MACROD2: variants seen among roughly 807,000 people sequenced by gnomAD.
MACROD2 encodes the protein mono-ADP ribosylhydrolase 2.
MACROD2 carries 36 observed loss-of-function variants against 70.4 expected under a neutral mutation model. That is an observed-to-expected ratio of 0.51 (90% CI 0.39 to 0.68). MACROD2 has a LOEUF of 0.68. Among genes scored for constraint, MACROD2 ranks in the 30% least tolerant of loss-of-function variants. The pLI is 0.00. For synonymous variants in MACROD2, 172 were observed against 178.8 expected (o/e 0.96, Z 0.30); for missense variants, 496 against 538.4 (o/e 0.92, Z 0.78).
At chr20:14,261,093 C>G (rs577523060) in intron 3 of MACROD2, among the ~76,000 whole-genome samples, 1 of 152,244 alleles carries the variant, frequency 6.6e-6, no homozygotes, top group Non-Finnish European at 1.5e-5. Flanking sequence ...AATTTGGATA[C>G]ATAGTGAAAA....
chr20:15,980,929 T>C (rs1383833998), intron 13 of MACROD2, among the ~76,000 whole-genome samples: 2 of 152,130 alleles, frequency 1.3e-5, no homozygotes, highest in East Asian at 3.8e-4. Flanking sequence ...TAAATGGGGG[T>C]CCAGTATTCC....
intron 5 of MACROD2, among the ~76,000 whole-genome samples, chr20:14,899,292 G>C (rs764459071): frequency 6.6e-6 from 1 of 152,112 alleles, no homozygotes; most frequent in Non-Finnish European, 1.5e-5. Context: ...GCATTAGTTT[G>C]CCCGGGTTGC....
intron 2 of MACROD2, among the ~76,000 whole-genome samples, chr20:14,027,122 A>G (rs2053179543): frequency 6.6e-6 from 1 of 152,130 alleles, no homozygotes; most frequent in African/African-American, 2.4e-5. Context: ...GTCTTTTCAC[A>G]TAGTCCCATA....
intron 3 of MACROD2, among the ~76,000 whole-genome samples, chr20:14,148,852 T>A (rs1219061665): frequency 6.6e-6 from 1 of 152,210 alleles, no homozygotes; most frequent in Non-Finnish European, 1.5e-5. Flanking sequence ...TTGTGCTCAG[T>A]GTAGCTTCCT....
At chr20:15,816,394 T>G (rs564594370) in intron 8 of MACROD2, among the ~76,000 whole-genome samples, 11 of 152,254 alleles carry the variant, frequency 7.2e-5, no homozygotes, top group Non-Finnish European at 1.3e-4. Flanking sequence ...CAAACCAGCC[T>G]GAATTCTACT....
At chr20:15,104,648 T>C (rs188378552) in intron 5 of MACROD2, among the ~76,000 whole-genome samples, 158 of 152,290 alleles carry the variant, frequency 1.0e-3, no homozygotes, top group African/African-American at 3.2e-3. Context: ...TCGTTGTTGA[T>C]ACGCCCATAT....
chr20:15,530,145 G>A (rs1357889128), intron 8 of MACROD2, among the ~76,000 whole-genome samples: 2 of 152,052 alleles, frequency 1.3e-5, no homozygotes, highest in East Asian at 3.9e-4. Flanking sequence ...ACCCTTCTTT[G>A]GCCATATGTA....
At chr20:14,831,399 A>T (rs1320889771) in intron 5 of MACROD2, among the ~76,000 whole-genome samples, 1 of 152,002 alleles carries the variant, frequency 6.6e-6, no homozygotes, top group East Asian at 1.9e-4. Context: ...TTCTTTGCAG[A>T]TATCCTTTTG....
chr20:14,330,451 A>C (rs1354707439), intron 3 of MACROD2, among the ~76,000 whole-genome samples: 1 of 152,038 alleles, frequency 6.6e-6, no homozygotes, highest in Non-Finnish European at 1.5e-5. Flanking sequence ...CTAACATCCA[A>C]CAAGTATAGC....
At chr20:15,924,039 C>A (rs1036266815) in intron 10 of MACROD2, among the ~76,000 whole-genome samples, 4 of 152,130 alleles carry the variant, frequency 2.6e-5, no homozygotes, top group Admixed American at 6.5e-5. Context: ...ATACTGAGGG[C>A]AAGAGCACAT....
chr20:15,774,839 A>C (rs905205171), intron 8 of MACROD2, among the ~76,000 whole-genome samples: 4 of 152,144 alleles, frequency 2.6e-5, no homozygotes, highest in Non-Finnish European at 5.9e-5. Flanking sequence ...CTTTCTAAGA[A>C]CAATTACTAT....
At chr20:14,434,635 G>A (rs1420251294) in intron 3 of MACROD2, among the ~76,000 whole-genome samples, 2 of 152,098 alleles carry the variant, frequency 1.3e-5, no homozygotes, top group Non-Finnish European at 2.9e-5. Context: ...TGAATCATAA[G>A]CTTTCCCTTC....
intron 8 of MACROD2, among the ~76,000 whole-genome samples, chr20:15,548,169 T>C (rs561448154): frequency 6.6e-6 from 1 of 152,356 alleles, no homozygotes; most frequent in East Asian, 1.9e-4. Flanking sequence ...GTTTTGGAAC[T>C]TAGCTTTACC....
intron 8 of MACROD2, among the ~76,000 whole-genome samples, chr20:15,761,729 T>C (rs994013845): frequency 3.9e-5 from 6 of 152,214 alleles, no homozygotes; most frequent in African/African-American, 1.2e-4. Flanking sequence ...CCCCAAAATA[T>C]GTACCAGTCT....
intron 5 of MACROD2, among the ~76,000 whole-genome samples, chr20:15,008,184 T>G (rs979802324): frequency 2.6e-5 from 4 of 152,162 alleles, no homozygotes; most frequent in African/African-American, 9.7e-5. Context: ...TAAAATCTTA[T>G]AGAATTATTA....
chr20:14,601,562 A>C (rs1743779487), intron 4 of MACROD2, among the ~76,000 whole-genome samples: 1 of 152,174 alleles, frequency 6.6e-6, no homozygotes, highest in South Asian at 2.1e-4. Flanking sequence ...GGGAAAAAAC[A>C]AACTTTCAGG....
At chr20:14,174,213 G>T (rs2081245647) in intron 3 of MACROD2, among the ~76,000 whole-genome samples, 1 of 152,110 alleles carries the variant, frequency 6.6e-6, no homozygotes, top group Non-Finnish European at 1.5e-5. Flanking sequence ...CAGGTGGTGG[G>T]CAGAGCCCTA....
intron 8 of MACROD2, among the ~76,000 whole-genome samples, chr20:15,797,752 C>G (rs912023959): frequency 6.6e-6 from 1 of 152,154 alleles, no homozygotes; most frequent in Non-Finnish European, 1.5e-5. Flanking sequence ...CAATGGTTCT[C>G]AAACTTCAGT....
intron 8 of MACROD2, among the ~76,000 whole-genome samples, chr20:15,508,378 C>A: frequency 6.6e-6 from 1 of 151,880 alleles, no homozygotes; most frequent in Non-Finnish European, 1.5e-5. Context: ...AGGTCTAGAC[C>A]TTCTAGAAAG....
Sources: allele counts gnomAD v4.1 joint callset (sites outside exome capture counted in the v4.1 genomes callset), GRCh38; gene constraint gnomAD v4.1.1; transcripts MANE v1.5; gene names NCBI Gene and HGNC (gene_info 2026-07-23, HGNC 2026-07-21).